CSDE1: variants seen among roughly 807,000 people sequenced by gnomAD.
CSDE1 encodes cold shock domain containing E1.
In CSDE1, 17 loss-of-function variants were observed where a neutral mutation model predicts 89.3. That is an observed-to-expected ratio of 0.19 (90% CI 0.13 to 0.29). The LOEUF (loss-of-function observed/expected upper bound fraction) is 0.29. CSDE1 is among the 10% of genes least tolerant of loss of function. The probability of loss-of-function intolerance (pLI) is 1.00; values close to 1 mark genes in which losing one functional copy is unlikely to be tolerated. For missense variants in CSDE1, 672 were observed against 984.2 expected (o/e 0.68, Z 4.24); for synonymous variants, 322 against 332.8 (o/e 0.97, Z 0.35).
intron 4 of CSDE1, 99 bp from the exon 5 acceptor site, chr1:114,737,662 GGATGCATTTTA>G: frequency 4.6e-6 from 4 of 869,490 alleles, no homozygotes; most frequent in Non-Finnish European, 7.3e-6. Flanking sequence ...CTATATACAG[GGATGCATTTTA>G]ATATGATCCA....
chr1:114,734,301 T>C (rs1660272135), intron 7 of CSDE1, 141 bp downstream of exon 7: 2 of 1,056,492 alleles, frequency 1.9e-6, no homozygotes, highest in Admixed American at 2.9e-5. Flanking sequence ...CAAGGAATTT[T>C]AAGAGACTAC....
intron 6 of CSDE1, among the ~76,000 whole-genome samples, chr1:114,734,864 G>A (rs778411723): frequency 3.3e-5 from 5 of 152,178 alleles, no homozygotes; most frequent in Non-Finnish European, 7.4e-5. Flanking sequence ...AAGCCACAAA[G>A]CGAATGCTAC....
intron 12 of CSDE1, among the ~76,000 whole-genome samples, chr1:114,728,633 TA>T (rs1167727493): frequency 6.6e-6 from 1 of 152,334 alleles, no homozygotes; most frequent in African/African-American, 2.4e-5. Flanking sequence ...TTCCAAGAAT[TA>T]AAAGTTATTA....
chr1:114,732,330 T>C (rs899522414), intron 10 of CSDE1, among the ~76,000 whole-genome samples: 2 of 152,202 alleles, frequency 1.3e-5, no homozygotes, highest in Admixed American at 1.3e-4. Flanking sequence ...TTTCTTACTC[T>C]TCATATTAAG....
intron 13 of CSDE1, 137 bp from the exon 14 acceptor site, chr1:114,726,523 A>T (rs766677827): frequency 1.5e-6 from 1 of 657,530 alleles, no homozygotes; most frequent in Non-Finnish European, 2.4e-6. Flanking sequence ...AATGAAATTG[A>T]TTTTCACCAA....
chr1:114,755,438 C>G (rs1424357540), intron 1 of CSDE1, among the ~76,000 whole-genome samples: 1 of 152,144 alleles, frequency 6.6e-6, no homozygotes, highest in East Asian at 1.9e-4. Flanking sequence ...CTTACATGTG[C>G]AACATAGGGG....
At chr1:114,726,770 G>T (rs901294637) in intron 13 of CSDE1, among the ~76,000 whole-genome samples, 1 of 152,126 alleles carries the variant, frequency 6.6e-6, no homozygotes, top group Non-Finnish European at 1.5e-5. Context: ...TTTATCTAAC[G>T]TTTAAACAGC....
Position 114,719,593 on chromosome 1 carries a change from A to G in CSDE1, c.2202T>C (p.Asn734=). The G allele has an allele frequency of 6.2e-7, 1 of 1,613,252 alleles. No homozygotes were observed. The highest frequency in any genetic ancestry group is 8.5e-7 in the Non-Finnish European group (1 of 1,179,670). ...ACAAAACTCACCAGACTCGCCAAAC[A>G]TTACAGGCGCTGCACTTGCCAGTGC... ...NQRTGKCSAC[N]VWRVCEGPKA... is the part of the protein sequence containing the mutation. Residue 734 remains asparagine (N), a synonymous_variant, in exon 18 of 20, where the codon AAT becomes AAC. Coordinates refer to ENST00000358528, the MANE Select transcript of CSDE1 (RefSeq NM_001007553.3).
intron 2 of CSDE1, among the ~76,000 whole-genome samples, chr1:114,746,090 A>C (rs972605876): frequency 1.3e-5 from 2 of 152,116 alleles, no homozygotes; most frequent in Non-Finnish European, 2.9e-5. Flanking sequence ...ATTTCACCAT[A>C]AGATCTTTAG....
intron 16 of CSDE1, among the ~76,000 whole-genome samples, chr1:114,723,250 C>A (rs929533209): frequency 6.6e-6 from 1 of 152,148 alleles, no homozygotes; most frequent in Non-Finnish European, 1.5e-5. Context: ...AGAGTTCTCT[C>A]CTATTTCTAT....
At chr1:114,731,157 G>A (rs1660077857) in intron 10 of CSDE1, among the ~76,000 whole-genome samples, 1 of 146,822 alleles carries the variant, frequency 6.8e-6, no homozygotes, top group Non-Finnish European at 1.5e-5. Flanking sequence ...AAGGCTTACT[G>A]TATCAAGAGT....
intron 3 of CSDE1, 117 bp from the exon 4 acceptor site, chr1:114,738,189 T>C (rs1660512731): frequency 2.6e-6 from 2 of 766,756 alleles, no homozygotes; most frequent in Admixed American, 2.0e-5. Flanking sequence ...TTTCAAAGTG[T>C]GGTCCCTGGA....
At chr1:114,733,641 T>C (rs1186313020) in intron 9 of CSDE1, 91 bp downstream of exon 9, 25 of 1,187,638 alleles carry the variant, frequency 2.1e-5, no homozygotes, top group Middle Eastern at 2.9e-4. Context: ...CACATTATAT[T>C]AACTGAATAA....
Position 114,727,103 on chromosome 1 carries a change from A to G in CSDE1, c.1357-13T>C. 1.9e-6 allele frequency: 3 copies of G among 1,551,274 alleles called. No individual in the cohort carries two copies. The highest frequency in any genetic ancestry group is 1.8e-6 in the Non-Finnish European group (2 of 1,124,652). On this transcript the variant is annotated splice_polypyrimidine_tract_variant and intron_variant, in intron 12 of 19. Transcript: ENST00000358528. ...CATCCTCAGCCTCCTAAAGAGATACAGTCAAAAACAGAATGAAAACAATCT... is the reference window on the plus strand; with the variant it reads ...CATCCTCAGCCTCCTAAAGAGATACGGTCAAAAACAGAATGAAAACAATCT...
At chr1:114,739,359 T>A (rs1404984122) in intron 3 of CSDE1, among the ~76,000 whole-genome samples, 1 of 152,176 alleles carries the variant, frequency 6.6e-6, no homozygotes, top group Non-Finnish European at 1.5e-5. Context: ...AAGGATTACT[T>A]TTTTCAGGTA....
chr1:114,723,826 A>C, intron 16 of CSDE1, 57 bp downstream of exon 16: 3 of 1,608,598 alleles, frequency 1.9e-6, no homozygotes, highest in Non-Finnish European at 2.6e-6. Flanking sequence ...AAAACTTTAT[A>C]GGTGCTCATC....
rs573489657 is a variant in CSDE1, at chr1:114,733,323, C to T, written c.837+409G>A. 8.5e-5 allele frequency among the ~76,000 whole-genome samples: 13 copies of T among 152,076 alleles called. No individual in the cohort carries two copies. The South Asian group carries it at 2.3e-3, about 27-fold the overall frequency. On this transcript the variant is annotated intron_variant, in intron 9 of 19. Transcript: ENST00000358528. ...TGGACAGATCGCAAGGTCAAGAGAT[C>T]GAGACCATCCTTGCCAACAGGGTGA...
chr1:114,728,820 A>G (rs1404849798), intron 12 of CSDE1, among the ~76,000 whole-genome samples: 2 of 152,224 alleles, frequency 1.3e-5, no homozygotes, highest in Admixed American at 6.5e-5. Flanking sequence ...ACAGTAAGTG[A>G]TAAGCAAGAT....
intron 2 of CSDE1, chr1:114,741,454 A>G (rs1280088802): frequency 7.4e-7 from 1 of 1,348,080 alleles, no homozygotes; most frequent in Non-Finnish European, 9.8e-7. Context: ...TTTCAACCAG[A>G]ATGAGTGGCA....
Sources: allele counts gnomAD v4.1 joint callset (sites outside exome capture counted in the v4.1 genomes callset), GRCh38; gene constraint gnomAD v4.1.1; transcripts MANE v1.5; gene names NCBI Gene and HGNC (gene_info 2026-07-23, HGNC 2026-07-21).